Variants in ARHGAP6 observed in about 807,000 individuals in gnomAD.
The protein encoded by ARHGAP6 is rho GTPase-activating protein 6.
ARHGAP6 carries 16 observed loss-of-function variants against 55.7 expected under a neutral mutation model. The observed-to-expected ratio is 0.29, with a 90% CI of 0.19 to 0.44. The LOEUF (loss-of-function observed/expected upper bound fraction) is 0.44. Ranked by LOEUF, ARHGAP6 falls within the 20% of genes least tolerant of loss-of-function variation. ARHGAP6 has a pLI of 1.00. For missense variants in ARHGAP6, 698 were observed against 808.9 expected, an observed-to-expected ratio of 0.86 and a Z score of 1.66; for synonymous variants, 382 against 360.9, an observed-to-expected ratio of 1.06 and a Z score of -0.66.
chrX:11,391,353 T>C (rs1382113165), intron 1 of ARHGAP6, among the ~76,000 whole-genome samples: 2 of 110,793 alleles, frequency 1.8e-5, no homozygotes, highest in Non-Finnish European at 3.8e-5. Flanking sequence ...TTAGGATATA[T>C]ACCTAATGTA....
chrX:11,372,501 G>A (rs1243967299), intron 1 of ARHGAP6, among the ~76,000 whole-genome samples: 1 of 110,747 alleles, frequency 9.0e-6, no homozygotes, highest in Non-Finnish European at 1.9e-5. Flanking sequence ...TGACTGGCAC[G>A]GTGGCTCACG....
chrX:11,364,875 T>A (rs931356458), intron 1 of ARHGAP6, among the ~76,000 whole-genome samples: 7 of 110,634 alleles, frequency 6.3e-5, no homozygotes, highest in Non-Finnish European at 1.3e-4. Flanking sequence ...CTGTCTCAGG[T>A]CCGGCACTGC....
chrX:11,573,116 G>T (rs1392624221), intron 1 of ARHGAP6, among the ~76,000 whole-genome samples: 4 of 111,301 alleles, frequency 3.6e-5, no homozygotes, highest in East Asian at 2.8e-4. Context: ...TTGCGAAAAT[G>T]TTCTACCATT....
intron 1 of ARHGAP6, among the ~76,000 whole-genome samples, chrX:11,598,948 C>T (rs949243175): frequency 1.8e-5 from 2 of 110,763 alleles, no homozygotes; most frequent in Non-Finnish European, 3.8e-5. Flanking sequence ...TTTCCAGATA[C>T]TTGGGAGGCT....
intron 1 of ARHGAP6, among the ~76,000 whole-genome samples, chrX:11,472,926 C>G (rs2050362542): frequency 9.0e-6 from 1 of 110,816 alleles, no homozygotes; most frequent in Non-Finnish European, 1.9e-5. Flanking sequence ...GTGCTGCATT[C>G]CTGTTTGGGC....
At chrX:11,282,423 T>C (rs940974561) in intron 1 of ARHGAP6, among the ~76,000 whole-genome samples, 2 of 112,219 alleles carry the variant, frequency 1.8e-5, no homozygotes, top group Non-Finnish European at 3.8e-5. Context: ...ACTCTGGGGA[T>C]GTGATACCAC....
intron 1 of ARHGAP6, among the ~76,000 whole-genome samples, chrX:11,360,136 A>C (rs2048990519): frequency 1.8e-5 from 2 of 111,882 alleles, no homozygotes; most frequent in African/African-American, 6.5e-5. Context: ...AAAAGAGGGA[A>C]TCCTCCCTAA....
rs766988389 is a variant in ARHGAP6 at position 11,408,262 on chromosome X, A to G, written c.589-153555T>C. Among the ~76,000 whole-genome samples the G allele has an allele frequency of 2.7e-5, 3 of 111,003 alleles. No individual in the cohort carries two copies. The East Asian group carries it at 8.5e-4, about 32-fold the overall frequency. On this transcript the variant is annotated intron_variant, in intron 1 of 12. Transcript: ENST00000337414. ...GGCAGGGAGGGGGAAGCGGAATGGA[A>G]GAGTTTATAACAAAAATCGCAACCA...
chrX:11,354,327 CTATATATATATATA>C (rs1174449401), intron 1 of ARHGAP6, among the ~76,000 whole-genome samples: 1 of 32,350 alleles, frequency 3.1e-5, no homozygotes, highest in African/African-American at 1.3e-4. Flanking sequence ...CTCTCTCTCT[CTATATATATATATA>C]TATATATATA....
chrX:11,389,649 A>G (rs1469896945), intron 1 of ARHGAP6, among the ~76,000 whole-genome samples: 3 of 112,610 alleles, frequency 2.7e-5, no homozygotes, highest in African/African-American at 6.4e-5. Flanking sequence ...TACATGTCCT[A>G]AATAATACAT....
chrX:11,545,342 A>C (rs2051201586), intron 1 of ARHGAP6, among the ~76,000 whole-genome samples: 1 of 112,549 alleles, frequency 8.9e-6, no homozygotes, highest in South Asian at 3.7e-4. Flanking sequence ...GTATATCTCT[A>C]GTACTTTCAA....
chrX:11,423,115 G>T (rs1429576721), intron 1 of ARHGAP6, among the ~76,000 whole-genome samples: 2 of 112,455 alleles, frequency 1.8e-5, no homozygotes, highest in Non-Finnish European at 3.8e-5. Context: ...TATAAAAATG[G>T]TTTTATAAAA....
At position 11,664,939 on chromosome X, in the gene ARHGAP6, G is replaced by T; in HGVS notation, c.-111C>A. 1.2e-6 allele frequency: 1 copy of T among 832,801 alleles called. No individual in the cohort carries two copies. The highest frequency in any genetic ancestry group is 1.7e-6 in the Non-Finnish European group (1 of 605,190). 68.6% of individuals were successfully genotyped at this position (832,801 alleles called of 1,213,427 possible). On this transcript the variant is annotated 5_prime_UTR_variant, in exon 1 of 13. Transcript: ENST00000337414. ...CAAAGGTGCCAGGCGGGGCTGGCCC[G>T]GGGTTTGCCCAGGGCAGTGGAGAGC...
intron 1 of ARHGAP6, among the ~76,000 whole-genome samples, chrX:11,343,357 G>T (rs754442921): frequency 8.9e-6 from 1 of 112,539 alleles, no homozygotes; most frequent in Non-Finnish European, 1.9e-5. Flanking sequence ...GCTCTTAGAA[G>T]TGGGAGCAAA....
At chrX:11,248,853 G>T (rs1442995119) in intron 2 of ARHGAP6, among the ~76,000 whole-genome samples, 2 of 111,922 alleles carry the variant, frequency 1.8e-5, no homozygotes, top group Non-Finnish European at 3.8e-5. Context: ...ATAGAAAACA[G>T]GGTGGAGAGT....
chrX:11,506,834 G>T (rs889311492), intron 1 of ARHGAP6, among the ~76,000 whole-genome samples: 3 of 111,672 alleles, frequency 2.7e-5, no homozygotes, highest in African/African-American at 9.8e-5. Flanking sequence ...CACAATGGTT[G>T]AACTAGTTTA....
Position 11,468,688 on chromosome X carries a change from T to G in ARHGAP6, c.588+195553A>C, listed in dbSNP as rs73500891. Among the ~76,000 whole-genome samples the G allele has an allele frequency of 6.6e-3, 740 of 112,543 alleles. 7 individuals carry two copies. The highest frequency in any genetic ancestry group is 0.023 in the African/African-American group (703 of 31,045). ...TTCTAGAAAACATTTTCTAATCTGT[T>G]TTTTGCTTTCCAGTTTGAGAAAATT... On this transcript the variant is annotated intron_variant, in intron 1 of 12. Transcript: ENST00000337414.
chrX:11,477,841 A>G (rs1233647436), intron 1 of ARHGAP6, among the ~76,000 whole-genome samples: 1 of 111,719 alleles, frequency 9.0e-6, no homozygotes, highest in Non-Finnish European at 1.9e-5. Flanking sequence ...GTTGCCTGCT[A>G]CCAGGCACTG....
Position 11,186,411 on chromosome X carries a change from A to T in ARHGAP6, c.1098T>A (p.Ser366=), listed in dbSNP as rs762942521. ...ACTGATTGTCATCAAGATCGGTGAT[A>T]GAATCCACTGACATGGCACCCTGCA... The part of the protein sequence containing the change: ...ARRRGAMSVD[S]ITDLDDNQSR... Residue 366 remains serine, a synonymous_variant, in exon 5 of 13, where the codon TCT becomes TCA. Coordinates refer to ENST00000337414, the MANE Select transcript of ARHGAP6 (RefSeq NM_013427.3). 8.3e-7 allele frequency: 1 copy of T among 1,209,142 alleles called. No homozygotes were observed. Among genetic ancestry groups the T allele is most frequent in the South Asian group, 1.8e-5 (1 of 56,727 alleles).
Sources: gnomAD v4.1 joint callset for allele counts (sites outside exome capture counted in the v4.1 genomes callset) on GRCh38, gnomAD v4.1.1 for gene constraint, MANE v1.5 for transcripts, NCBI Gene and HGNC (gene_info 2026-07-23, HGNC 2026-07-21) for gene names.